CDH19: variants seen among roughly 807,000 people sequenced by gnomAD.
The protein encoded by CDH19 is cadherin 19, also known as cadherin-19.
A neutral mutation model predicts 64.2 loss-of-function variants in CDH19; 67 were observed. The ratio of observed to expected loss-of-function variants is 1.04; its 90% CI spans 0.86 to 1.28. The LOEUF is 1.28. Ranked by LOEUF, CDH19 falls within the 50% of genes most tolerant of loss-of-function variation. CDH19 has a pLI of 0.00. For missense variants in CDH19, 1,030 were observed against 929.0 expected (o/e 1.11, Z -1.41); for synonymous variants, 346 against 319.3 (o/e 1.08, Z -0.89).
At chr18:66,549,773 G>A (rs1274165000) in intron 5 of CDH19, among the ~76,000 whole-genome samples, 2 of 152,110 alleles carry the variant, frequency 1.3e-5, no homozygotes, top group Non-Finnish European at 2.9e-5. Flanking sequence ...TCATTTAGGT[G>A]TGGGCATTTG....
chr18:66,554,089 T>A (rs550914944), intron 4 of CDH19, among the ~76,000 whole-genome samples: 1 of 152,118 alleles, frequency 6.6e-6, no homozygotes, highest in African/African-American at 2.4e-5. Context: ...TATTGTTCTT[T>A]GTCAATTGCT....
intron 7 of CDH19, among the ~76,000 whole-genome samples, chr18:66,539,279 A>T (rs1440056450): frequency 2.0e-5 from 3 of 152,056 alleles, no homozygotes; most frequent in African/African-American, 7.2e-5. Context: ...TTTCTCACTT[A>T]CTGCATGGCC....
intron 5 of CDH19, among the ~76,000 whole-genome samples, chr18:66,550,690 T>C (rs150144985): frequency 2.1e-4 from 32 of 152,202 alleles, no homozygotes; most frequent in Middle Eastern, 3.4e-3. Flanking sequence ...CCTTCAGGAA[T>C]TAAGGATGTC....
At chr18:66,545,397 T>TTTCC (rs566720406) in intron 5 of CDH19, among the ~76,000 whole-genome samples, 54 of 125,260 alleles carry the variant, frequency 4.3e-4, no homozygotes, top group Non-Finnish European at 3.2e-4. Context: ...CCTTTCTTTC[T>TTTCC]TTCCTTCCTT....
At chr18:66,530,946 G>T (rs1986419782) in intron 8 of CDH19, among the ~76,000 whole-genome samples, 1 of 152,068 alleles carries the variant, frequency 6.6e-6, no homozygotes, top group East Asian at 1.9e-4. Flanking sequence ...CAAATGGCCT[G>T]TAGTGGAGAC....
intron 8 of CDH19, among the ~76,000 whole-genome samples, chr18:66,530,426 G>A (rs1277083522): frequency 1.3e-5 from 2 of 151,958 alleles, no homozygotes; most frequent in East Asian, 1.9e-4. Flanking sequence ...TATAGCTGCA[G>A]TGCTATAACA....
intron 2 of CDH19, among the ~76,000 whole-genome samples, chr18:66,570,785 A>G (rs1988076684): frequency 6.6e-6 from 1 of 151,724 alleles, no homozygotes; most frequent in African/African-American, 2.4e-5. Flanking sequence ...TCATGTGGGG[A>G]GTAGAAACAA....
At chr18:66,512,562 T>A in intron 9 of CDH19, among the ~76,000 whole-genome samples, 1 of 151,680 alleles carries the variant, frequency 6.6e-6, no homozygotes, top group South Asian at 2.1e-4. Context: ...AATAGATACA[T>A]CTTCACAGGC....
chr18:66,522,244 G>A (rs1019219914), intron 9 of CDH19, among the ~76,000 whole-genome samples: 1 of 150,910 alleles, frequency 6.6e-6, no homozygotes, highest in African/African-American at 2.4e-5. Flanking sequence ...CACCCAGCCC[G>A]GCGTAGTTTT....
At chr18:66,564,772 T>C (rs1012104040) in intron 3 of CDH19, among the ~76,000 whole-genome samples, 2 of 151,892 alleles carry the variant, frequency 1.3e-5, no homozygotes, top group Non-Finnish European at 2.9e-5. Flanking sequence ...TTTAGCAGGA[T>C]TTTGTGCTGA....
intron 4 of CDH19, 74 bp from the exon 5 acceptor site, chr18:66,551,332 T>C: frequency 1.2e-6 from 1 of 823,570 alleles, no homozygotes; most frequent in Admixed American, 2.1e-5. Context: ...TCTTAACCAT[T>C]GCAGTATACA....
intron 1 of CDH19, among the ~76,000 whole-genome samples, chr18:66,592,641 A>G (rs1320546671): frequency 6.6e-6 from 1 of 151,772 alleles, no homozygotes; most frequent in Non-Finnish European, 1.5e-5. Flanking sequence ...TGCAGTGTTT[A>G]TCTTTCTGTG....
chr18:66,566,850 C>G (rs1987929288), intron 3 of CDH19, among the ~76,000 whole-genome samples: 1 of 151,880 alleles, frequency 6.6e-6, no homozygotes, highest in Non-Finnish European at 1.5e-5. Flanking sequence ...GCTACGTTCT[C>G]TGCCAAAGGG....
At chr18:66,576,600 C>T (rs2144592322) in intron 1 of CDH19, among the ~76,000 whole-genome samples, 1 of 151,538 alleles carries the variant, frequency 6.6e-6, no homozygotes, top group East Asian at 1.9e-4. Flanking sequence ...TGTTTATACA[C>T]TTAATAACAA....
intron 9 of CDH19, among the ~76,000 whole-genome samples, chr18:66,515,791 A>G (rs970206276): frequency 2.0e-5 from 3 of 151,854 alleles, no homozygotes; most frequent in Non-Finnish European, 4.4e-5. Context: ...ATGTATATGG[A>G]AAAATATTAA....
At position 66,567,516 on chromosome 18, in the gene CDH19, T is replaced by C. The variant is rs1020573272; in HGVS notation, c.490+900A>G. On this transcript the variant is annotated intron_variant, in intron 3 of 11. Coordinates refer to ENST00000262150, the MANE Select transcript of CDH19 (RefSeq NM_021153.4). ...TTTCTGCTGTATTTAAAGACCTATG[T>C]TCCAAACAATGTAGAAATACATCTT... 2.6e-5 allele frequency among the ~76,000 whole-genome samples: 4 copies of C among 151,884 alleles called. No individual in the cohort carries two copies. The Admixed American group carries it at 2.6e-4, about 10-fold the overall frequency.
intron 3 of CDH19, among the ~76,000 whole-genome samples, chr18:66,566,058 C>A (rs1987898083): frequency 6.6e-6 from 1 of 151,934 alleles, no homozygotes; most frequent in African/African-American, 2.4e-5. Flanking sequence ...TGCACTGATA[C>A]CATGATACCA....
chr18:66,514,966 C>A (rs1415925799), intron 9 of CDH19, among the ~76,000 whole-genome samples: 1 of 151,564 alleles, frequency 6.6e-6, no homozygotes, highest in African/African-American at 2.4e-5. Context: ...CACAATGAAA[C>A]CTACTTCCAG....
rs115812904 is a variant in CDH19, at chr18:66,561,081, T to C, written c.491-6557A>G. On this transcript the variant is annotated intron_variant, in intron 3 of 11. Transcript: ENST00000262150. ...ATTTTATCATACAGTGCCTTTGGGTTATCCCTTGTCCTCTTTCAGATTTAA... is the reference window on the plus strand; with the variant it reads ...ATTTTATCATACAGTGCCTTTGGGTCATCCCTTGTCCTCTTTCAGATTTAA... Among the ~76,000 whole-genome samples, 1,221 of 152,092 alleles carry C rather than the reference T, an allele frequency of 8.0e-3. 10 individuals carry two copies. The highest frequency in any genetic ancestry group is 0.028 in the African/African-American group (1,143 of 41,462).
Sources: gnomAD v4.1 joint callset for allele counts (sites outside exome capture counted in the v4.1 genomes callset) on GRCh38, gnomAD v4.1.1 for gene constraint, MANE v1.5 for transcripts, NCBI Gene and HGNC (gene_info 2026-07-23, HGNC 2026-07-21) for gene names.